Variants in PCDHA2 observed in about 807,000 individuals in gnomAD.
PCDHA2 encodes protocadherin alpha 2.
A neutral mutation model predicts 66.0 loss-of-function variants in PCDHA2; 58 were observed. That is an observed-to-expected ratio of 0.88 (90% CI 0.71 to 1.09). PCDHA2 has a LOEUF of 1.09. Among genes scored for constraint, PCDHA2 ranks in the 50% least tolerant of loss-of-function variants. The pLI, the probability that PCDHA2 is intolerant of heterozygous loss-of-function variation, is 0.00. For synonymous variants in PCDHA2, 634 were observed against 554.0 expected (o/e 1.14, Z -2.03); for missense variants, 1,267 against 1,242.3 (o/e 1.02, Z -0.30).
At chr5:140,971,370 G>C (rs2096473492) in intron 1 of PCDHA2, among the ~76,000 whole-genome samples, 3 of 152,194 alleles carry the variant, frequency 2.0e-5, no homozygotes, top group African/African-American at 7.2e-5. Flanking sequence ...CCAGGAGAGT[G>C]CATGACTTTA....
chr5:140,905,652 T>A (rs1554192111), intron 1 of PCDHA2, among the ~76,000 whole-genome samples: 1 of 152,240 alleles, frequency 6.6e-6, no homozygotes, highest in East Asian at 1.9e-4. Flanking sequence ...CAGTATTGAT[T>A]CCTGTCATCC....
rs1019436942 is a variant in PCDHA2, at chr5:140,858,638, T to C, written c.2388+61286T>C. On this transcript the variant is annotated intron_variant, in intron 1 of 3. Transcript: ENST00000526136. ...TCCTACCCAGTGTGTCAGCCTTTGATTGGTACTTAAATTTTTTTAAATAAC... is the reference window on the plus strand; with the variant it reads ...TCCTACCCAGTGTGTCAGCCTTTGACTGGTACTTAAATTTTTTTAAATAAC... 30 of 971,874 alleles carry C rather than the reference T, an allele frequency of 3.1e-5. 2 individuals carry two copies. The highest frequency in any genetic ancestry group is 4.0e-5 in the Non-Finnish European group (27 of 675,162). 60.2% of individuals were successfully genotyped at this position (971,874 alleles called of 1,614,324 possible). A position where few individuals can be genotyped will look rare whatever the true frequency, so the allele number is the denominator to read the frequency against.
intron 1 of PCDHA2, chr5:140,803,377 C>T (rs782056345): frequency 6.2e-7 from 1 of 1,614,098 alleles, no homozygotes; most frequent in African/African-American, 1.3e-5. Flanking sequence ...TCCGCGCCGC[C>T]AACCGAAGGC....
rs2150134243 is a variant in PCDHA2, at chr5:140,824,366, T to G, written c.2388+27014T>G. On this transcript the variant is annotated intron_variant, in intron 1 of 3. Transcript: ENST00000526136. ...TAAAATAATATTTTATATTAGCATT[T>G]GAATTTTGCATCTCTAAAAATGTAG... 3.7e-5 allele frequency: 21 copies of G among 572,978 alleles called. 1 individual carries two copies. The highest frequency in any genetic ancestry group is 2.8e-4 in the Admixed American group (8 of 28,562). 35.5% of individuals were successfully genotyped at this position (572,978 alleles called of 1,614,324 possible).
chr5:140,842,589 T>G, intron 1 of PCDHA2: 1 of 1,529,168 alleles, frequency 6.5e-7, no homozygotes, highest in Non-Finnish European at 8.9e-7. Flanking sequence ...GCCTATGAGT[T>G]GGTGGTAACC....
chr5:140,968,159 A>T, intron 1 of PCDHA2: 6 of 1,614,136 alleles, frequency 3.7e-6, no homozygotes, highest in Non-Finnish European at 4.2e-6. Flanking sequence ...CATCAATGAC[A>T]ATCCACCAAG....
chr5:140,869,407 T>G, intron 1 of PCDHA2: 4 of 1,614,120 alleles, frequency 2.5e-6, no homozygotes, highest in African/African-American at 1.3e-5. Context: ...GAGCGCGGAG[T>G]GCAGCATCCA....
intron 1 of PCDHA2, chr5:140,829,519 G>A (rs140453889): frequency 2.7e-5 from 43 of 1,613,306 alleles, no homozygotes; most frequent in Non-Finnish European, 3.6e-5. Flanking sequence ...ACATCTTCAC[G>A]GTGTCTGCGC....
chr5:140,967,963 A>G (rs1554230144), intron 1 of PCDHA2: 1 of 1,614,210 alleles, frequency 6.2e-7, no homozygotes, highest in South Asian at 1.1e-5. Flanking sequence ...CCAACCGGAA[A>G]GTGAGCCTGG....
intron 1 of PCDHA2, chr5:140,967,401 G>T (rs374310490): frequency 1.2e-6 from 2 of 1,611,944 alleles, no homozygotes; most frequent in Non-Finnish European, 1.7e-6. Flanking sequence ...CTGGTGCTGC[G>T]TAAGGGCCTA....
intron 1 of PCDHA2, chr5:140,927,237 G>A (rs1554204217): frequency 1.2e-6 from 2 of 1,614,110 alleles, no homozygotes; most frequent in Admixed American, 1.7e-5. Flanking sequence ...TTCACGTCCT[G>A]GACACCAATG....
At chr5:140,812,312 C>T (rs1765081037) in intron 1 of PCDHA2, 1 of 151,832 alleles carries the variant, frequency 6.6e-6, no homozygotes, top group Admixed American at 6.6e-5. Flanking sequence ...TTTTAAAAGC[C>T]TCTTATAATT....
chr5:140,955,701 A>G (rs1381358710), intron 1 of PCDHA2, among the ~76,000 whole-genome samples: 1 of 152,150 alleles, frequency 6.6e-6, no homozygotes, highest in Non-Finnish European at 1.5e-5. Context: ...ATGTCAATGG[A>G]AGTTTAATAG....
At chr5:140,873,494 T>C (rs2153295972) in intron 1 of PCDHA2, among the ~76,000 whole-genome samples, 1 of 152,254 alleles carries the variant, frequency 6.6e-6, no homozygotes, top group South Asian at 2.1e-4. Flanking sequence ...TTCTGCAAAG[T>C]TGTGTCTTTT....
At chr5:140,876,459 C>T (rs2056359218) in intron 1 of PCDHA2, 1 of 1,613,878 alleles carries the variant, frequency 6.2e-7, no homozygotes, top group Non-Finnish European at 8.5e-7. Flanking sequence ...GGATTCCTTC[C>T]ATGGCAGGTC....
chr5:140,966,990 G>A, intron 1 of PCDHA2: 1 of 1,604,280 alleles, frequency 6.2e-7, no homozygotes, highest in Non-Finnish European at 8.5e-7. Context: ...TTGGGGCCGG[G>A]TTGCTTGCGC....
At chr5:140,980,910 T>G (rs1554242463) in intron 2 of PCDHA2, among the ~76,000 whole-genome samples, 1 of 152,206 alleles carries the variant, frequency 6.6e-6, no homozygotes, top group East Asian at 1.9e-4. Context: ...ATGTAACTAT[T>G]CTTTAAAAAA....
intron 1 of PCDHA2, chr5:140,809,089 G>C: frequency 6.2e-7 from 1 of 1,613,934 alleles, no homozygotes; most frequent in Non-Finnish European, 8.5e-7. Flanking sequence ...TCAGCACAAC[G>C]CGTGCCCTGG....
At chr5:140,822,339 G>A (rs1347495985) in intron 1 of PCDHA2, 6 of 1,613,926 alleles carry the variant, frequency 3.7e-6, no homozygotes, top group Non-Finnish European at 4.2e-6. Flanking sequence ...AAGAAGAAAC[G>A]AACTTTTTAG....
Sources: gnomAD v4.1 joint callset for allele counts (sites outside exome capture counted in the v4.1 genomes callset) on GRCh38, gnomAD v4.1.1 for gene constraint, MANE v1.5 for transcripts, NCBI Gene and HGNC (gene_info 2026-07-23, HGNC 2026-07-21) for gene names.